EVA1A: variants seen among roughly 807,000 people sequenced by gnomAD.
The protein encoded by EVA1A is protein eva-1 homolog A.
In EVA1A, 7 loss-of-function variants were observed where a neutral mutation model predicts 9.8. The ratio of observed to expected loss-of-function variants is 0.71; its 90% confidence interval spans 0.41 to 1.34. EVA1A has a LOEUF of 1.34. EVA1A is among the 40% of genes most tolerant of loss of function. The pLI is 0.01. For missense variants in EVA1A, 206 were observed against 205.9 expected, an observed-to-expected ratio of 1.00 and a Z score of 0.00; for synonymous variants, 90 against 85.6, an observed-to-expected ratio of 1.05 and a Z score of -0.28.
chr2:75,562,802 A>G (rs539916301), upstream of EVA1A, among the ~76,000 whole-genome samples: 72 of 152,374 alleles, frequency 4.7e-4, 1 homozygote, highest in African/African-American at 1.7e-3. Context: ...CCAAGGGCAC[A>G]GCCCTGTACG....
At chr2:75,561,941 C>G (rs2104001016), upstream of EVA1A, among the ~76,000 whole-genome samples, 1 of 152,266 alleles carries the variant, frequency 6.6e-6, no homozygotes. Flanking sequence ...TCCCAGGCCT[C>G]TGGCTAGAGT....
chr2:75,559,697 T>TGGGGGGGGGG (rs36059976), intron 1 of EVA1A, among the ~76,000 whole-genome samples: 4 of 78,798 alleles, frequency 5.1e-5, no homozygotes, highest in South Asian at 5.5e-4. Flanking sequence ...AGAAAGGAGG[T>TGGGGGGGGGG]GGGGGGGGGG....
intron 1 of EVA1A, among the ~76,000 whole-genome samples, chr2:75,567,318 G>A (rs982987234): frequency 6.6e-6 from 1 of 152,120 alleles, no homozygotes; most frequent in African/African-American, 2.4e-5. Flanking sequence ...ATAAGAGTTT[G>A]GAATAAAGTA....
At chr2:75,528,799 A>G (rs1029465349) in intron 1 of EVA1A, among the ~76,000 whole-genome samples, 6 of 152,158 alleles carry the variant, frequency 3.9e-5, no homozygotes, top group South Asian at 2.1e-4. Context: ...GCATCCCCCA[A>G]TATAACCACA....
intron 1 of EVA1A, among the ~76,000 whole-genome samples, chr2:75,535,207 C>T (rs1675832608): frequency 7.2e-6 from 1 of 138,598 alleles, no homozygotes; most frequent in Non-Finnish European, 1.5e-5. Flanking sequence ...CAGGGAAATG[C>T]AAATTAAACT....
rs998407567 is a variant in EVA1A, at chr2:75,546,553, C to T, written c.-192+14127G>A. On this transcript the variant is annotated intron_variant, in intron 1 of 3. Transcript: ENST00000393913. ...CATGTCCCAAGCAGTGTATATACGA[C>T]GTGGATGGAAAAACTGACCACAGAT... 3.3e-5 allele frequency among the ~76,000 whole-genome samples: 5 copies of T among 151,990 alleles called. No homozygotes were observed. In the South Asian group the frequency reaches 6.2e-4, roughly 19 times the overall value.
chr2:75,513,576 T>G (rs1288489703), intron 3 of EVA1A, among the ~76,000 whole-genome samples: 1 of 152,232 alleles, frequency 6.6e-6, no homozygotes, highest in Non-Finnish European at 1.5e-5. Context: ...TTTAGAGATA[T>G]CTGCACTCCA....
intron 3 of EVA1A, among the ~76,000 whole-genome samples, chr2:75,498,818 A>G (rs1280034195): frequency 1.3e-5 from 2 of 148,698 alleles, no homozygotes; most frequent in Non-Finnish European, 3.0e-5. Flanking sequence ...TTTTTTTTTA[A>G]AAAGATGGTC....
chr2:75,554,493 C>T (rs564322886), intron 1 of EVA1A, among the ~76,000 whole-genome samples: 9 of 152,104 alleles, frequency 5.9e-5, no homozygotes, highest in Admixed American at 1.3e-4. Flanking sequence ...CCAACCACAG[C>T]GGCCCACTCT....
rs532445198 is a variant in EVA1A, at chr2:75,549,789, C to T, written c.-192+10891G>A. ...GTGGCCTTTTGGATTCAGGATGGTG[C>T]CCTTTGGGAGAGCCCTTTCCATAAA... On this transcript the variant is annotated intron_variant, in intron 1 of 3. Transcript: ENST00000393913. Among the ~76,000 whole-genome samples, 25 of 152,278 alleles carry T rather than the reference C, an allele frequency of 1.6e-4. No homozygotes were observed. In the South Asian group the frequency reaches 5.2e-3, roughly 32 times the overall value.
At chr2:75,508,941 C>T (rs1370009708) in intron 3 of EVA1A, among the ~76,000 whole-genome samples, 3 of 152,062 alleles carry the variant, frequency 2.0e-5, no homozygotes, top group African/African-American at 7.2e-5. Flanking sequence ...AGGAATGATA[C>T]CCTCTGTGCC....
intron 3 of EVA1A, among the ~76,000 whole-genome samples, chr2:75,512,138 C>T (rs1047106147): frequency 4.0e-5 from 6 of 151,700 alleles, no homozygotes; most frequent in Non-Finnish European, 8.8e-5. Context: ...GGCAAATATG[C>T]TAAATATTCA....
At chr2:75,529,292 T>A (rs1473299681) in intron 1 of EVA1A, among the ~76,000 whole-genome samples, 1 of 152,070 alleles carries the variant, frequency 6.6e-6, no homozygotes, top group Non-Finnish European at 1.5e-5. Flanking sequence ...AGCAACACAA[T>A]AATAGTGGGG....
rs376441866 is a variant in EVA1A, at chr2:75,551,703, G to A, written c.-192+8977C>T. ...TCTCTGTGCCTAGGTTTACTCAGCT[G>A]TAAAATAGGTAAAACAATAGTAGTC... is the stretch of plus-strand genomic sequence containing the variant. On this transcript the variant is annotated intron_variant, in intron 1 of 3. Coordinates refer to ENST00000393913, the MANE Select transcript of EVA1A (RefSeq NM_001135032.2). Among the ~76,000 whole-genome samples the A allele has an allele frequency of 3.3e-5, 5 of 152,346 alleles. No homozygotes were observed. The East Asian group carries it at 5.8e-4, about 18-fold the overall frequency.
upstream of EVA1A, among the ~76,000 whole-genome samples, chr2:75,563,517 G>A (rs1268879468): frequency 1.3e-5 from 2 of 152,208 alleles, no homozygotes. Context: ...TTTAATGAGA[G>A]CCTCATAGAT....
intron 1 of EVA1A, among the ~76,000 whole-genome samples, chr2:75,559,648 T>C (rs1018360534): frequency 1.6e-5 from 2 of 127,042 alleles, no homozygotes; most frequent in South Asian, 5.2e-4. Context: ...TCAAGGTATA[T>C]TAGGTCAAAA....
intron 1 of EVA1A, among the ~76,000 whole-genome samples, chr2:75,525,711 T>C (rs1675409517): frequency 6.6e-6 from 1 of 152,248 alleles, no homozygotes; most frequent in African/African-American, 2.4e-5. Context: ...ATGACACTGA[T>C]ATAACTCCTG....
chr2:75,535,921 A>G (rs949113604), intron 1 of EVA1A, among the ~76,000 whole-genome samples: 3 of 152,214 alleles, frequency 2.0e-5, no homozygotes, highest in African/African-American at 7.2e-5. Flanking sequence ...GTACCTCTAA[A>G]GCTATTGAAA....
intron 1 of EVA1A, among the ~76,000 whole-genome samples, chr2:75,549,296 G>A (rs1676447502): frequency 6.6e-6 from 1 of 152,094 alleles, no homozygotes; most frequent in Non-Finnish European, 1.5e-5. Flanking sequence ...GCCAAGTATG[G>A]GATTATGTAA....
Sources: gnomAD v4.1 joint callset for allele counts (sites outside exome capture counted in the v4.1 genomes callset) on GRCh38, gnomAD v4.1.1 for gene constraint, MANE v1.5 for transcripts, NCBI Gene and HGNC (gene_info 2026-07-23, HGNC 2026-07-21) for gene names.